The following DCX variants were observed in gnomAD, a reference collection of about 807,000 sequenced individuals.
The protein encoded by DCX is neuronal migration protein doublecortin.
Under a neutral mutation model 20.9 loss-of-function variants are expected in DCX, and 4 were observed. The observed-to-expected ratio is 0.19, with a 90% confidence interval of 0.09 to 0.44. The LOEUF (loss-of-function observed/expected upper bound fraction) is 0.44. Ranked by LOEUF, DCX falls within the 20% of genes least tolerant of loss-of-function variation. The pLI is 0.99. For missense variants in DCX, 133 were observed against 296.9 expected (o/e 0.45, Z 4.06); for synonymous variants, 103 against 111.4 (o/e 0.92, Z 0.47).
At chrX:111,408,662 GAAA>G (rs1928435611) in intron 2 of DCX, among the ~76,000 whole-genome samples, 1 of 107,166 alleles carries the variant, frequency 9.3e-6, no homozygotes, top group African/African-American at 3.4e-5. Context: ...AAGAAAGAAA[GAAA>G]GAAAGAAAGA....
At chrX:111,306,002 G>A (rs2147580406) in intron 6 of DCX, among the ~76,000 whole-genome samples, 1 of 110,956 alleles carries the variant, frequency 9.0e-6, no homozygotes, top group South Asian at 3.7e-4. Flanking sequence ...ACACATAAAA[G>A]GCAAGCATCA....
intron 3 of DCX, among the ~76,000 whole-genome samples, chrX:111,345,657 G>T (rs1922740412): frequency 9.0e-6 from 1 of 111,485 alleles, no homozygotes; most frequent in Admixed American, 9.5e-5. Flanking sequence ...CAACATCACT[G>T]ATCATTAGAG....
chrX:111,404,660 A>G (rs1928072964), intron 2 of DCX, among the ~76,000 whole-genome samples: 1 of 111,761 alleles, frequency 8.9e-6, no homozygotes, highest in Admixed American at 9.5e-5. Flanking sequence ...CCTAGAGTCT[A>G]TAGGGAGGAA....
chrX:111,350,566 G>A (rs1181645176), intron 3 of DCX, among the ~76,000 whole-genome samples: 1 of 111,550 alleles, frequency 9.0e-6, no homozygotes, highest in Admixed American at 9.5e-5. Context: ...TTGGGTTTGA[G>A]CTCCTGGTCT....
rs1485891800 is a variant in DCX at position 111,352,833 on chromosome X, CAGACAGAG to C, written c.706-19688_706-19681del. Among the ~76,000 whole-genome samples the C allele has an allele frequency of 1.8e-3, 160 of 89,758 alleles. 1 individual carries two copies. Among genetic ancestry groups the C allele is most frequent in the African/African-American group, 7.0e-3 (153 of 21,848 alleles). 77.9% of individuals were successfully genotyped at this position (89,758 alleles called of 115,157 possible). A position where few individuals can be genotyped will look rare whatever the true frequency, so the allele number is the denominator to read the frequency against. ...GTCAGTGAAAGCTGAGGCAGACAGA[CAGACAGAG>C]AGAGAGAGAGAGAGAGAGAGAGAGA... is the stretch of plus-strand genomic sequence containing the variant. On this transcript the variant is annotated intron_variant, in intron 3 of 6. Transcript: ENST00000636035.
chrX:111,378,240 A>T (rs1420062372), intron 3 of DCX, among the ~76,000 whole-genome samples: 1 of 111,928 alleles, frequency 8.9e-6, no homozygotes, highest in African/African-American at 3.2e-5. Context: ...GGTGTTCAGA[A>T]TATGTAGCTA....
chrX:111,380,167 CAGA>C (rs1248709307), intron 3 of DCX, among the ~76,000 whole-genome samples: 1 of 111,845 alleles, frequency 8.9e-6, no homozygotes, highest in Non-Finnish European at 1.9e-5. Flanking sequence ...ATGTGCAGCA[CAGA>C]AGTTTTTAAT....
intron 3 of DCX, among the ~76,000 whole-genome samples, chrX:111,372,234 G>C (rs1925155607): frequency 8.9e-6 from 1 of 111,905 alleles, no homozygotes; most frequent in Non-Finnish European, 1.9e-5. Flanking sequence ...AGAACTGGGG[G>C]AAGCGCTTTT....
intron 2 of DCX, among the ~76,000 whole-genome samples, chrX:111,408,678 GAA>G (rs960984221): frequency 5.5e-5 from 6 of 109,413 alleles, no homozygotes; most frequent in African/African-American, 1.7e-4. Context: ...AAGAAAGAAA[GAA>G]AGAAAGAAAG....
At position 111,297,409 on chromosome X, in the gene DCX, T is replaced by C. The variant is rs769801523; in HGVS notation, c.*4278A>G. ...AATAAAAGCCATTTAGAATCAAATG[T>C]GCAGGGTGATTGGGAGCATTGTACC... On this transcript the variant is annotated 3_prime_UTR_variant, in exon 7 of 7. Transcript: ENST00000636035. 1.8e-5 allele frequency: 2 copies of C among 111,956 alleles called. No homozygotes were observed. The highest frequency in any genetic ancestry group is 3.8e-5 in the Non-Finnish European group (2 of 53,202). 9.2% of individuals were successfully genotyped at this position (111,956 alleles called of 1,213,427 possible).
At chrX:111,326,486 C>T (rs142486254) in intron 5 of DCX, among the ~76,000 whole-genome samples, 98 of 111,600 alleles carry the variant, frequency 8.8e-4, no homozygotes, top group African/African-American at 2.9e-3. Flanking sequence ...ATGGCAAGTC[C>T]GGGGTTAATC....
chrX:111,385,097 A>G (rs1369298773), intron 3 of DCX, among the ~76,000 whole-genome samples: 3 of 112,490 alleles, frequency 2.7e-5, no homozygotes, highest in Non-Finnish European at 5.6e-5. Context: ...AGATTGAAAC[A>G]TCAACTCTTC....
At chrX:111,403,926 A>T (rs1202718480) in intron 2 of DCX, among the ~76,000 whole-genome samples, 3 of 110,079 alleles carry the variant, frequency 2.7e-5, no homozygotes, top group Non-Finnish European at 5.7e-5. Context: ...CATGCCTATA[A>T]TCCCAGCTAC....
intron 5 of DCX, among the ~76,000 whole-genome samples, chrX:111,323,681 T>G (rs1322869878): frequency 9.5e-6 from 1 of 105,749 alleles, no homozygotes; most frequent in East Asian, 3.0e-4. Flanking sequence ...CTGTTCTCTC[T>G]TTTTACCCTC....
intron 6 of DCX, among the ~76,000 whole-genome samples, chrX:111,308,862 T>C (rs770948929): frequency 9.1e-6 from 1 of 109,728 alleles, no homozygotes; most frequent in Non-Finnish European, 1.9e-5. Context: ...CTTACGTTTC[T>C]AGATTTTTTT....
intron 6 of DCX, among the ~76,000 whole-genome samples, chrX:111,306,359 A>C (rs951546237): frequency 2.7e-5 from 3 of 112,186 alleles, no homozygotes; most frequent in Non-Finnish European, 5.6e-5. Context: ...TAATGATAAA[A>C]AGAGTCAATA....
chrX:111,379,642 T>A lies in DCX; in HGVS notation c.705+21348A>T, dbSNP rs147624286. Among the ~76,000 whole-genome samples the A allele has an allele frequency of 7.4e-4, 83 of 112,031 alleles. No homozygotes were observed. The East Asian group carries it at 0.022, about 29-fold the overall frequency. On this transcript the variant is annotated intron_variant, in intron 3 of 6. Coordinates refer to ENST00000636035, the MANE Select transcript of DCX (RefSeq NM_001195553.2). ...GATGGGAATTTAGTTTGTTTTCACCTTTTTGCTATTATGAATAATGCTGTT... is the reference window on the plus strand; with the variant it reads ...GATGGGAATTTAGTTTGTTTTCACCATTTTGCTATTATGAATAATGCTGTT...
chrX:111,375,120 G>C (rs927212055), intron 3 of DCX, among the ~76,000 whole-genome samples: 7 of 105,712 alleles, frequency 6.6e-5, no homozygotes, highest in Admixed American at 6.3e-4. Flanking sequence ...GGGGTGGGTA[G>C]GAGGGTGCAT....
chrX:111,350,231 TAGAGTAG>T (rs201932068), intron 3 of DCX, among the ~76,000 whole-genome samples: 1,438 of 111,042 alleles, frequency 0.013, 23 homozygotes, highest in African/African-American at 0.045. Context: ...CAGGGTGGAA[TAGAGTAG>T]AGAGTAGAAA....
Sources: gnomAD v4.1 joint callset for allele counts (sites outside exome capture counted in the v4.1 genomes callset) on GRCh38, gnomAD v4.1.1 for gene constraint, MANE v1.5 for transcripts, NCBI Gene and HGNC (gene_info 2026-07-23, HGNC 2026-07-21) for gene names.